The following INPP4B variants were observed in gnomAD, a reference collection of about 807,000 sequenced individuals.
INPP4B encodes the protein inositol polyphosphate-4-phosphatase type II B.
A neutral mutation model predicts 122.5 loss-of-function variants in INPP4B; 55 were observed. That is an observed-to-expected ratio of 0.45 (90% confidence interval 0.36 to 0.56). The LOEUF (loss-of-function observed/expected upper bound fraction) is 0.56. Ranked by LOEUF, INPP4B falls within the 20% of genes least tolerant of loss-of-function variation. INPP4B has a pLI of 0.00. For missense variants in INPP4B, 1,000 were observed against 1,097.7 expected (o/e 0.91, Z 1.26); for synonymous variants, 403 against 388.7 (o/e 1.04, Z -0.43).
chr4:142,115,769 C>A (rs1405440910), intron 21 of INPP4B, among the ~76,000 whole-genome samples: 1 of 152,120 alleles, frequency 6.6e-6, no homozygotes, highest in African/African-American at 2.4e-5. Context: ...AGCAAAATAA[C>A]CAGCTAACAT....
chr4:142,316,089 G>C (rs1320302206), intron 7 of INPP4B, among the ~76,000 whole-genome samples: 1 of 152,056 alleles, frequency 6.6e-6, no homozygotes, highest in Non-Finnish European at 1.5e-5. Context: ...TGAACTTCTA[G>C]CTTAATGCTT....
chr4:142,043,974 TAGTG>T (rs1467346254), intron 25 of INPP4B, among the ~76,000 whole-genome samples: 2 of 151,908 alleles, frequency 1.3e-5, no homozygotes, highest in East Asian at 1.9e-4. Context: ...AGGCAAGAAA[TAGTG>T]AGAGCTTGAA....
chr4:142,834,470 G>A (rs1180399851), intron 1 of INPP4B, among the ~76,000 whole-genome samples: 1 of 152,160 alleles, frequency 6.6e-6, no homozygotes, highest in Non-Finnish European at 1.5e-5. Context: ...TGCTGGCACT[G>A]AAACTCCTCA....
intron 1 of INPP4B, among the ~76,000 whole-genome samples, chr4:142,735,379 T>A (rs1389848393): frequency 6.6e-6 from 1 of 152,188 alleles, no homozygotes; most frequent in East Asian, 1.9e-4. Flanking sequence ...CTTAAATTTT[T>A]AGAAATAACA....
At chr4:142,484,615 T>C (rs986498452) in intron 2 of INPP4B, among the ~76,000 whole-genome samples, 2 of 152,146 alleles carry the variant, frequency 1.3e-5, no homozygotes, top group Admixed American at 6.6e-5. Flanking sequence ...TCTTTTTACT[T>C]TTAAGTACAT....
In INPP4B at chr4:142,024,954, T is replaced by C. The variant is rs924517548; in HGVS notation, c.*3828A>G. The C allele has an allele frequency of 5.3e-5, 8 of 152,108 alleles. No individual in the cohort carries two copies. The highest frequency in any genetic ancestry group is 1.9e-4 in the African/African-American group (8 of 41,430). 9.4% of individuals were successfully genotyped at this position (152,108 alleles called of 1,614,324 possible). ...TCATCAAATATGACTTTTAACCTAA[T>C]AGGAGTCTTTAAAGAAGGTAAAAAC... On this transcript the variant is annotated 3_prime_UTR_variant, in exon 26 of 26. Transcript: ENST00000262992.
chr4:142,718,436 A>G (rs1764087329), intron 2 of INPP4B, among the ~76,000 whole-genome samples: 2 of 152,182 alleles, frequency 1.3e-5, no homozygotes, highest in South Asian at 2.1e-4. Context: ...AGATGCCCCA[A>G]TCGGATCTTA....
At chr4:142,731,292 G>A (rs1766049781) in intron 1 of INPP4B, among the ~76,000 whole-genome samples, 1 of 152,130 alleles carries the variant, frequency 6.6e-6, no homozygotes, top group South Asian at 2.1e-4. Context: ...GGATAACAAG[G>A]ATGTTGTTTG....
intron 7 of INPP4B, among the ~76,000 whole-genome samples, chr4:142,337,329 C>G (rs2151630426): frequency 6.6e-6 from 1 of 151,998 alleles, no homozygotes; most frequent in African/African-American, 2.4e-5. Context: ...GGTACAGACC[C>G]TAGAGAATAA....
intron 1 of INPP4B, among the ~76,000 whole-genome samples, chr4:142,774,454 G>A (rs1232956447): frequency 2.0e-5 from 3 of 151,070 alleles, no homozygotes; most frequent in Non-Finnish European, 4.4e-5. Flanking sequence ...GTTGAAATCT[G>A]CTCCCATGGA....
chr4:142,188,510 AG>A (rs70949155), intron 15 of INPP4B, among the ~76,000 whole-genome samples: 9,662 of 60,936 alleles, frequency 0.16, 1,286 homozygotes, highest in South Asian at 0.21. Flanking sequence ...AAAAAAAAAA[AG>A]AAAAAAAATA....
chr4:142,527,410 T>C (rs1827068780), intron 2 of INPP4B, among the ~76,000 whole-genome samples: 1 of 151,984 alleles, frequency 6.6e-6, no homozygotes, highest in African/African-American at 2.4e-5. Context: ...TTCTTGATAG[T>C]TAATACGATG....
chr4:142,641,727 T>C (rs1750521417), intron 2 of INPP4B, among the ~76,000 whole-genome samples: 1 of 152,178 alleles, frequency 6.6e-6, no homozygotes, highest in South Asian at 2.1e-4. Context: ...GCAATAAACA[T>C]ACGTGTGCAT....
chr4:142,353,247 A>G (rs558174764), intron 7 of INPP4B, among the ~76,000 whole-genome samples: 4 of 152,032 alleles, frequency 2.6e-5, no homozygotes, highest in Non-Finnish European at 5.9e-5. Context: ...GAAAGTTTCA[A>G]GACTTTGAAA....
intron 2 of INPP4B, among the ~76,000 whole-genome samples, chr4:142,580,423 A>T (rs1353584467): frequency 6.6e-6 from 1 of 151,990 alleles, no homozygotes; most frequent in Non-Finnish European, 1.5e-5. Flanking sequence ...TTCCTGTTTT[A>T]AACATGCATC....
intron 15 of INPP4B, among the ~76,000 whole-genome samples, chr4:142,186,468 AC>A (rs1833259373): frequency 6.6e-6 from 1 of 152,226 alleles, no homozygotes; most frequent in African/African-American, 2.4e-5. Context: ...AGAATGGAGG[AC>A]AGAAAAATTA....
intron 7 of INPP4B, among the ~76,000 whole-genome samples, chr4:142,353,777 G>A (rs1782702652): frequency 6.6e-6 from 1 of 151,928 alleles, no homozygotes; most frequent in African/African-American, 2.4e-5. Flanking sequence ...AATAGCATTT[G>A]CAAATAGTAT....
intron 2 of INPP4B, among the ~76,000 whole-genome samples, chr4:142,537,425 T>TAGAGAGAGAG (rs1384384001): frequency 7.3e-5 from 3 of 40,992 alleles, no homozygotes; most frequent in Non-Finnish European, 1.5e-4. Context: ...TATATATATA[T>TAGAGAGAGAG]ATATAGAGAG....
chr4:142,285,703 G>A (rs1180213152), intron 9 of INPP4B, among the ~76,000 whole-genome samples: 1 of 152,058 alleles, frequency 6.6e-6, no homozygotes, highest in African/African-American at 2.4e-5. Flanking sequence ...TTGGAGAGCA[G>A]AGGCTGCTAG....
Sources: allele counts gnomAD v4.1 joint callset (sites outside exome capture counted in the v4.1 genomes callset), GRCh38; gene constraint gnomAD v4.1.1; transcripts MANE v1.5; gene names NCBI Gene and HGNC (gene_info 2026-07-23, HGNC 2026-07-21).